Variants in CLASRP observed in about 807,000 individuals in gnomAD.
CLASRP encodes the protein CLK4-associating serine/arginine rich protein.
Under a neutral mutation model 99.9 loss-of-function variants are expected in CLASRP, and 52 were observed. That is an observed-to-expected ratio of 0.52 (90% CI 0.42 to 0.66). The LOEUF is 0.66. Among genes scored for constraint, CLASRP ranks in the 30% least tolerant of loss-of-function variants. The pLI, the probability that CLASRP is intolerant of heterozygous loss-of-function variation, is 0.00. For missense variants in CLASRP, 848 were observed against 999.2 expected (o/e 0.85, Z 2.04); for synonymous variants, 379 against 373.0 (o/e 1.02, Z -0.18).
Position 45,062,142 on chromosome 19 carries a change from T to G in CLASRP, c.864-12T>G. The G allele has an allele frequency of 2.0e-6, 3 of 1,494,370 alleles. No individual in the cohort carries two copies. Among genetic ancestry groups the G allele is most frequent in the Non-Finnish European group, 2.8e-6 (3 of 1,071,330 alleles). 92.6% of individuals were successfully genotyped at this position (1,494,370 alleles called of 1,614,324 possible). A position where few individuals can be genotyped will look rare whatever the true frequency, so the allele number is the denominator to read the frequency against. ...AGCCCTAATTTGTCCCACCCCATTC[T>G]TTTCTCTGTAGCTATGCCCGCCGAG... is the stretch of plus-strand genomic sequence containing the variant. On this transcript the variant is annotated splice_polypyrimidine_tract_variant and intron_variant, in intron 10 of 20. Coordinates refer to ENST00000221455, the MANE Select transcript of CLASRP (RefSeq NM_007056.3).
intron 6 of CLASRP, 36 bp downstream of exon 6, chr19:45,056,570 G>A (rs1242145136): frequency 6.3e-7 from 1 of 1,577,910 alleles, no homozygotes; most frequent in Non-Finnish European, 8.7e-7. Context: ...GGTTGAGGAG[G>A]CAGGAGGGCT....
At position 45,060,021 on chromosome 19, in the gene CLASRP, A is replaced by G. The variant is rs969165712; in HGVS notation, c.711-368A>G. Among the ~76,000 whole-genome samples the G allele has an allele frequency of 2.6e-5, 4 of 152,054 alleles. No individual in the cohort carries two copies. Among genetic ancestry groups the G allele is most frequent in the Admixed American group, 2.0e-4 (3 of 15,266 alleles). The stretch of plus-strand genomic sequence containing the variant: ...TTGGACGTCTGCAGCTTGCTCCCCC[A>G]GGTTTTTCTCTAGATACCCTGTTTT... On this transcript the variant is annotated intron_variant, in intron 8 of 20. Transcript: ENST00000221455. This position sits in a 1 kb window ranked among gnomAD's most constrained non-coding sequence, Gnocchi z 4.6.
intron 2 of CLASRP, among the ~76,000 whole-genome samples, chr19:45,050,553 G>A (rs1209485869): frequency 1.3e-5 from 2 of 151,980 alleles, no homozygotes; most frequent in South Asian, 4.2e-4. Context: ...GCATGGTGGC[G>A]CATGCCTGTA....
chr19:45,068,768 G>A (rs540999477), intron 16 of CLASRP, among the ~76,000 whole-genome samples: 1 of 152,028 alleles, frequency 6.6e-6, no homozygotes, highest in African/African-American at 2.4e-5. Context: ...GGAGGCCGAG[G>A]TGGGCGGATC....
intron 10 of CLASRP, among the ~76,000 whole-genome samples, chr19:45,061,226 A>G (rs1466804434): frequency 6.6e-6 from 1 of 152,158 alleles, no homozygotes; most frequent in African/African-American, 2.4e-5. Context: ...GAGTTCCTGT[A>G]AGGCTTAAAC....
chr19:45,040,960 C>A (rs183139913), intron 2 of CLASRP, among the ~76,000 whole-genome samples: 8 of 151,758 alleles, frequency 5.3e-5, no homozygotes, highest in Non-Finnish European at 7.4e-5. Flanking sequence ...CAAGACTCAA[C>A]GCCTGTAATC....
chr19:45,056,411 C>G, intron 5 of CLASRP, 39 bp from the exon 6 acceptor site: 18 of 1,592,790 alleles, frequency 1.1e-5, no homozygotes, highest in Non-Finnish European at 1.6e-5. Flanking sequence ...TCCTAGTGTC[C>G]CCAACCCACT....
chr19:45,049,532 T>C (rs892976417), intron 2 of CLASRP, among the ~76,000 whole-genome samples: 4 of 152,176 alleles, frequency 2.6e-5, no homozygotes, highest in Non-Finnish European at 4.4e-5. Flanking sequence ...GGGTTGAAAC[T>C]AGCCAGGTAT....
Position 45,064,399 on chromosome 19 carries a change from G to T in CLASRP, c.1178G>T (p.Arg393Leu), listed in dbSNP as rs1484058541. 6.5e-7 allele frequency: 1 copy of T among 1,530,778 alleles called. No individual in the cohort carries two copies. 94.8% of individuals were successfully genotyped at this position (1,530,778 alleles called of 1,614,324 possible). A position where few individuals can be genotyped will look rare whatever the true frequency, so the allele number is the denominator to read the frequency against. Residue 393 changes from arginine to leucine, a missense_variant, in exon 13 of 21, where the codon CGC becomes CTC. Arg to Leu is a moderately radical substitution (Grantham distance 102). Coordinates refer to ENST00000221455, the MANE Select transcript of CLASRP (RefSeq NM_007056.3). ...TCTGCCTCGAGGACCTCCAGCTCCC[G>T]CTCCAGCTCTCGCTCCAGCTCCCGC... The part of the protein sequence containing the change: ...SSSASRTSSS[R>L]SSSRSSSRSR...
At position 45,064,049 on chromosome 19, in the gene CLASRP, T is replaced by A. The variant is rs200262195; in HGVS notation, c.943T>A (p.Ser315Thr). ...SESSSESRSR[S>T]RSPTPGREEK... ...GTCCAGCTCAGAGTCCCGCTCCCGC[T>A]CCCGCTCCCCGACCCCGGGCCGCGA... Residue 315 changes from serine to threonine, a missense_variant, in exon 12 of 21, where the codon TCC becomes ACC. Transcript: ENST00000221455. 1.2e-6 allele frequency: 2 copies of A among 1,612,576 alleles called. No homozygotes were observed. Among genetic ancestry groups the A allele is most frequent in the Non-Finnish European group, 1.7e-6 (2 of 1,179,800 alleles).
intron 13 of CLASRP, among the ~76,000 whole-genome samples, chr19:45,066,410 G>A (rs1967088332): frequency 6.6e-6 from 1 of 151,928 alleles, no homozygotes; most frequent in Non-Finnish European, 1.5e-5. Context: ...GAGCCACCGC[G>A]CCTGGCCCTT....
In CLASRP at chr19:45,070,062, C is replaced by A. The variant is rs1435200669; in HGVS notation, c.1915C>A (p.Arg639Ser). 1.2e-6 allele frequency: 2 copies of A among 1,609,622 alleles called. No homozygotes were observed. Among genetic ancestry groups the A allele is most frequent in the African/African-American group, 1.3e-5 (1 of 74,866 alleles). The change falls in exon 19 of 21, where the codon CGC becomes AGC. Residue 639 changes from arginine to serine, a missense_variant. Arg to Ser is a moderately radical substitution (Grantham distance 110). Around this residue, in one of 8 missense-constraint regions of CLASRP, gnomAD observed 116 missense variants for 162.7 expected, o/e 0.71. Coordinates refer to ENST00000221455, the MANE Select transcript of CLASRP (RefSeq NM_007056.3). ...AGAGAAGGAGAGAGAAGAGTGGGAA[C>A]GCCAGTACAGCCGGCAGAGCCGCTC... ...RREKEREEWE[R>S]QYSRQSRSPS...
rs748440657 is a variant in CLASRP, at chr19:45,059,220, T to C, written c.614-48T>C. On this transcript the variant is annotated intron_variant, in intron 7 of 20. Transcript: ENST00000221455. ...TCCTGGAGCACTGCCCCTTCTCCCC[T>C]GTCCTCTCGCTCGGCCGTGGCTCCT... 5.9e-6 allele frequency: 9 copies of C among 1,514,818 alleles called. No individual in the cohort carries two copies. In the African/African-American group the frequency reaches 9.6e-5, roughly 16 times the overall value. 93.8% of individuals were successfully genotyped at this position (1,514,818 alleles called of 1,614,324 possible).
intron 20 of CLASRP, 62 bp from the exon 21 acceptor site, chr19:45,070,741 G>T: frequency 2.8e-6 from 4 of 1,435,460 alleles, no homozygotes; most frequent in Non-Finnish European, 3.9e-6. Flanking sequence ...AAGCATCCAC[G>T]GCCCCAGGTG....
intron 2 of CLASRP, among the ~76,000 whole-genome samples, chr19:45,051,107 T>C (rs1972014520): frequency 6.6e-6 from 1 of 152,084 alleles, no homozygotes; most frequent in Non-Finnish European, 1.5e-5. Context: ...ATTTCCCTGA[T>C]GGCTAATGAT....
At chr19:45,052,038 G>A (rs767612915) in intron 2 of CLASRP, 33 bp from the exon 3 acceptor site, 1 of 1,568,720 alleles carries the variant, frequency 6.4e-7, no homozygotes, top group Non-Finnish European at 8.8e-7. Flanking sequence ...GAGCTCTGTT[G>A]GGTGGTGACC....
chr19:45,045,291 G>A (rs1052592435), intron 2 of CLASRP, among the ~76,000 whole-genome samples: 1 of 152,220 alleles, frequency 6.6e-6, no homozygotes, highest in African/African-American at 2.4e-5. Context: ...CGAGGCAGGA[G>A]GACTGCTTGA....
chr19:45,050,813 T>C (rs1257894602), intron 2 of CLASRP, among the ~76,000 whole-genome samples: 1 of 151,182 alleles, frequency 6.6e-6, no homozygotes, highest in Non-Finnish European at 1.5e-5. Flanking sequence ...ACCTCCTGGG[T>C]TCAAGCGATT....
rs759076603 is a variant in CLASRP, at chr19:45,064,004, A to AC, written c.906-5dup. The AC allele has an allele frequency of 4.4e-6, 7 of 1,602,658 alleles. No homozygotes were observed. The highest frequency in any genetic ancestry group is 3.4e-6 in the Non-Finnish European group (4 of 1,175,164). On this transcript the variant is annotated splice_polypyrimidine_tract_variant and splice_region_variant and intron_variant, in intron 11 of 20. Coordinates refer to ENST00000221455, the MANE Select transcript of CLASRP (RefSeq NM_007056.3). ...TGAGCTAGTGAGCCTCCTCCTCCCT[A>AC]CCCGCAGGTCACCCTCGGAGTCCAG...
Sources: allele counts gnomAD v4.1 joint callset (sites outside exome capture counted in the v4.1 genomes callset), GRCh38; gene constraint gnomAD v4.1.1; regional missense constraint gnomAD v4.1.1; non-coding constraint Gnocchi (gnomAD v3.1); transcripts MANE v1.5; gene names NCBI Gene and HGNC (gene_info 2026-07-23, HGNC 2026-07-21).